SARM1: variants seen among roughly 807,000 people sequenced by gnomAD.
SARM1 encodes the protein sterile alpha and TIR motif containing 1.
Under a neutral mutation model 65.1 loss-of-function variants are expected in SARM1, and 60 were observed. The observed-to-expected ratio is 0.92, with a 90% CI of 0.75 to 1.14. The LOEUF (loss-of-function observed/expected upper bound fraction) is 1.14, where lower values mean the gene tolerates loss of function less well. Among genes scored for constraint, SARM1 ranks in the 50% most tolerant of loss-of-function variants. The pLI, the probability that SARM1 is intolerant of heterozygous loss-of-function variation, is 0.00. For synonymous variants in SARM1, 417 were observed against 465.4 expected (o/e 0.90, Z 1.34); for missense variants, 913 against 1,015.7 (o/e 0.90, Z 1.37).
chr17:28,388,663 C>T, intron 7 of SARM1, 124 bp downstream of exon 7: 1 of 970,478 alleles, frequency 1.0e-6, no homozygotes, highest in Non-Finnish European at 1.5e-6. Flanking sequence ...CTCCTTGGCC[C>T]AGCTGGAAGT....
At position 28,372,640 on chromosome 17, in the gene SARM1, G is replaced by A; in HGVS notation, c.470+138G>A. 1.5e-6 allele frequency: 1 copy of A among 646,480 alleles called. No homozygotes were observed. Among genetic ancestry groups the A allele is most frequent in the East Asian group, 3.3e-5 (1 of 30,360 alleles). 40.0% of individuals were successfully genotyped at this position (646,480 alleles called of 1,614,324 possible). ...TGCACTACATCTCTGTTAGGGGTCA[G>A]CCTGTCTGTTTCACAGATAAGGAAA... On this transcript the variant is annotated intron_variant, in intron 1 of 8. Coordinates refer to ENST00000585482, the MANE Select transcript of SARM1 (RefSeq NM_015077.4). The surrounding 1 kb of genome is among the most constrained non-coding windows in gnomAD (Gnocchi z 5.2).
At chr17:28,383,839 G>A (rs1470452112) in intron 2 of SARM1, among the ~76,000 whole-genome samples, 2 of 152,234 alleles carry the variant, frequency 1.3e-5, no homozygotes, top group Admixed American at 6.5e-5. Flanking sequence ...GCTGCATGAA[G>A]GAGGTGCTAA....
In SARM1 at chr17:28,372,089, G is replaced by C. The variant is rs1344576803; in HGVS notation, c.57G>C (p.Ser19=). 7.4e-6 allele frequency: 11 copies of C among 1,494,346 alleles called. No homozygotes were observed. Among genetic ancestry groups the C allele is most frequent in the African/African-American group, 4.3e-5 (3 of 69,028 alleles). The allele number at this position is 1,494,346 out of a possible 1,614,324, so 92.6% of individuals were successfully genotyped here. ...AGCTGTGTCGCTTCTTCGCCATGTC[G>C]GGCCCACGGCCGGGCGCCGAGCGGC... The part of the protein sequence containing the change: ...AYKLCRFFAM[S]GPRPGAERLA... Residue 19 remains serine, a synonymous_variant, in exon 1 of 9, where the codon TCG becomes TCC. Transcript: ENST00000585482. The surrounding 1 kb of genome is among the most constrained non-coding windows in gnomAD (Gnocchi z 5.2).
chr17:28,400,632 GCAGGAGGCCAGCTCC>G lies in SARM1; in HGVS notation c.*4354_*4368del. 2 of 1,613,784 alleles carry G rather than the reference GCAGGAGGCCAGCTCC, an allele frequency of 1.2e-6. No homozygotes were observed. The highest frequency in any genetic ancestry group is 1.7e-6 in the Non-Finnish European group (2 of 1,179,812). On this transcript the variant is annotated 3_prime_UTR_variant, in exon 9 of 9. Transcript: ENST00000585482. ...TACCCAATCAGAACAGCCGGGATGA[GCAGGAGGCCAGCTCC>G]CAGGAGGAAGGGGAACCCCTTCATA...
Position 28,388,186 on chromosome 17 carries a change from C to T in SARM1, c.1643C>T (p.Ser548Phe). 1 of 1,549,560 alleles carries T rather than the reference C, an allele frequency of 6.5e-7. No individual in the cohort carries two copies. The highest frequency in any genetic ancestry group is 8.7e-7 in the Non-Finnish European group (1 of 1,146,788). Residue 548 changes from serine to phenylalanine, a missense_variant, in exon 6 of 9, where the codon TCC (serine) becomes TTC (phenylalanine). By Grantham distance (155) the Ser-to-Phe change is radical (BLOSUM62 -2). This residue lies in a region of SARM1 where 862 missense variants were observed against 952.1 expected (regional missense o/e 0.91). Transcript: ENST00000585482. ...TTGCCCACTTCAGAAATGCTACACT[C>T]CCCGCTGCCCTGTACTGGTGGCAAA... ...ILTAAREMLHSPLPCTGGKPS... is the reference protein window; with the variant it reads ...ILTAAREMLHFPLPCTGGKPS...
rs888717096 is a variant in SARM1, at chr17:28,371,974, C to T, written c.-59C>T. ...CTCGGGTCCCTCTTTTCCCAAAACC[C>T]GGGTCTCTCCGCGTGGCCCCGCCTC... is the stretch of plus-strand genomic sequence containing the variant. On this transcript the variant is annotated 5_prime_UTR_variant, in exon 1 of 9. Coordinates refer to ENST00000585482, the MANE Select transcript of SARM1 (RefSeq NM_015077.4). 3.8e-6 allele frequency: 5 copies of T among 1,319,340 alleles called. No homozygotes were observed. In the African/African-American group the frequency reaches 7.8e-5, roughly 20 times the overall value. 81.7% of individuals were successfully genotyped at this position (1,319,340 alleles called of 1,614,324 possible).
intron 7 of SARM1, among the ~76,000 whole-genome samples, chr17:28,390,283 C>A (rs1555586691): frequency 1.3e-5 from 2 of 152,018 alleles, no homozygotes; most frequent in African/African-American, 4.8e-5. Flanking sequence ...TTGTGGAGAC[C>A]AAGTTTTATT....
chr17:28,375,182 G>C (rs572335809), intron 1 of SARM1, among the ~76,000 whole-genome samples: 1 of 152,148 alleles, frequency 6.6e-6, no homozygotes, highest in Non-Finnish European at 1.5e-5. Flanking sequence ...CCATATGACT[G>C]CTAGCCCTCT....
At position 28,399,502 on chromosome 17, in the gene SARM1, T is replaced by G. The variant is rs1597829685; in HGVS notation, c.*3216T>G. On this transcript the variant is annotated 3_prime_UTR_variant, in exon 9 of 9. Coordinates refer to ENST00000585482, the MANE Select transcript of SARM1 (RefSeq NM_015077.4). ...GCTGGGTCAGCTGTGGATGGGGTGGTGCCTTGGTCTCTCTTGACTACCTCG... is the reference window on the plus strand; with the variant it reads ...GCTGGGTCAGCTGTGGATGGGGTGGGGCCTTGGTCTCTCTTGACTACCTCG... 4 of 703,898 alleles carry G rather than the reference T, an allele frequency of 5.7e-6. No homozygotes were observed. The allele number at this position is 703,898 out of a possible 1,614,324, so 43.6% of individuals were successfully genotyped here. A position where few individuals can be genotyped will look rare whatever the true frequency, so the allele number is the denominator to read the frequency against.
At chr17:28,387,682 G>A (rs2068059132) in intron 5 of SARM1, among the ~76,000 whole-genome samples, 1 of 152,248 alleles carries the variant, frequency 6.6e-6, no homozygotes, top group Admixed American at 6.5e-5. Context: ...TGGCTCCAGA[G>A]GAGCAGAGTG....
At chr17:28,378,416 C>T (rs565999576) in intron 1 of SARM1, among the ~76,000 whole-genome samples, 1 of 152,190 alleles carries the variant, frequency 6.6e-6, no homozygotes, top group Non-Finnish European at 1.5e-5. Context: ...CTGACTAATG[C>T]CCACACTATT....
chr17:28,396,252 G>C lies in SARM1; in HGVS notation c.2141G>C (p.Ser714Thr). ...GACTCATCTGCAGGCTCTGACACCA[G>C]TTTGGAGGGTGCTGCACCCATGGGT... ...SRDSSAGSDT[S>T]LEGAAPMGPT Residue 714 changes from serine (S) to threonine (T), a missense_variant, in exon 9 of 9, where the codon AGT (serine) becomes ACT (threonine). By Grantham distance (58) the Ser-to-Thr change is moderately conservative. This residue lies in a region of SARM1 where 862 missense variants were observed against 952.1 expected (regional missense o/e 0.91). Coordinates refer to ENST00000585482, the MANE Select transcript of SARM1 (RefSeq NM_015077.4). 6.2e-7 allele frequency: 1 copy of C among 1,614,026 alleles called. No individual in the cohort carries two copies. The highest frequency in any genetic ancestry group is 8.5e-7 in the Non-Finnish European group (1 of 1,179,884).
chr17:28,385,242 G>A lies in SARM1; in HGVS notation c.1597G>A (p.Val533Met). 6.3e-7 allele frequency: 1 copy of A among 1,578,838 alleles called. No individual in the cohort carries two copies. ...LLEDCGIHLG[V>M]HRARILTAAR... The stretch of plus-strand genomic sequence containing the variant: ...GGAAGACTGCGGCATCCACCTGGGC[G>A]TGCACCGCGCCCGCATCCTCACGGC... Residue 533 changes from valine to methionine, a missense_variant, in exon 5 of 9, where the codon GTG becomes ATG. By Grantham distance (21) the Val-to-Met change is conservative. Around this residue, in one of 3 missense-constraint regions of SARM1, gnomAD observed 862 missense variants for 952.1 expected, o/e 0.91. Transcript: ENST00000585482. This position sits in a 1 kb window ranked among gnomAD's most constrained non-coding sequence, Gnocchi z 4.5.
intron 7 of SARM1, among the ~76,000 whole-genome samples, chr17:28,394,316 G>A (rs2068096768): frequency 6.6e-6 from 1 of 152,236 alleles, no homozygotes; most frequent in African/African-American, 2.4e-5. Context: ...GGGTGGTAGT[G>A]GGGTGGAGGT....
At chr17:28,377,859 G>A (rs1555584781) in intron 1 of SARM1, among the ~76,000 whole-genome samples, 1 of 152,122 alleles carries the variant, frequency 6.6e-6, no homozygotes, top group East Asian at 1.9e-4. Context: ...CACTACACCT[G>A]GCTAATTTTT....
At chr17:28,392,548 T>C (rs782184268) in intron 7 of SARM1, among the ~76,000 whole-genome samples, 10 of 152,168 alleles carry the variant, frequency 6.6e-5, no homozygotes, top group South Asian at 2.1e-4. Context: ...TCAGGATTCA[T>C]TCCAATGCTC....
At position 28,388,359 on chromosome 17, in the gene SARM1, G is replaced by A. The variant is rs2068063675; in HGVS notation, c.1743G>A (p.Lys581=). 2 of 1,613,788 alleles carry A rather than the reference G, an allele frequency of 1.2e-6. No individual in the cohort carries two copies. The highest frequency in any genetic ancestry group is 1.3e-5 in the African/African-American group (1 of 74,924). The change falls in exon 7 of 9, where the codon AAG becomes AAA. Residue 581 remains lysine (K), a synonymous_variant. Coordinates refer to ENST00000585482, the MANE Select transcript of SARM1 (RefSeq NM_015077.4). ...NSGSQLASLL[K]VHLQLHGFSV... ...CAGGACTTACTTGCAGTCTCCTGAA[G>A]GTGCACCTGCAGCTGCATGGCTTCA...
chr17:28,396,303 C>T lies in SARM1; in HGVS notation c.*17C>T. 2 of 1,613,598 alleles carry T rather than the reference C, an allele frequency of 1.2e-6. No individual in the cohort carries two copies. The highest frequency in any genetic ancestry group is 1.7e-6 in the Non-Finnish European group (2 of 1,179,710). On this transcript the variant is annotated 3_prime_UTR_variant, in exon 9 of 9. Coordinates refer to ENST00000585482, the MANE Select transcript of SARM1 (RefSeq NM_015077.4). Reference sequence around the variant, plus strand: ...CCAACCTAACCAGTCCCCAGTTCCCCAGCCCTGCTGTGACTTCCATTTCCA... The same window carrying T: ...CCAACCTAACCAGTCCCCAGTTCCCTAGCCCTGCTGTGACTTCCATTTCCA...
intron 1 of SARM1, among the ~76,000 whole-genome samples, chr17:28,375,423 C>G (rs556553746): frequency 4.0e-5 from 6 of 151,190 alleles, no homozygotes; most frequent in African/African-American, 1.5e-4. Context: ...ATGGTGAAAC[C>G]CCGTCTCTAC....
Sources: gnomAD v4.1 joint callset for allele counts (sites outside exome capture counted in the v4.1 genomes callset) on GRCh38, gnomAD v4.1.1 for gene constraint, gnomAD v4.1.1 regional missense constraint, Gnocchi (gnomAD v3.1) non-coding constraint, MANE v1.5 for transcripts, NCBI Gene and HGNC (gene_info 2026-07-23, HGNC 2026-07-21) for gene names.